Variants in SNTG1 observed in about 807,000 individuals in gnomAD.
The protein encoded by SNTG1 is syntrophin gamma 1.
Under a neutral mutation model 74.7 loss-of-function variants are expected in SNTG1, and 39 were observed. That is an observed-to-expected ratio of 0.52 (90% CI 0.40 to 0.68). The LOEUF is 0.68. Among genes scored for constraint, SNTG1 ranks in the 30% least tolerant of loss-of-function variants. The pLI, the probability that SNTG1 is intolerant of heterozygous loss-of-function variation, is 0.00. For synonymous variants in SNTG1, 254 were observed against 217.1 expected (o/e 1.17, Z -1.49); for missense variants, 685 against 609.5 (o/e 1.12, Z -1.30).
At chr8:50,028,828 G>A (rs534416782) in intron 1 of SNTG1, among the ~76,000 whole-genome samples, 90 of 152,050 alleles carry the variant, frequency 5.9e-4, no homozygotes, top group Non-Finnish European at 1.1e-3. Context: ...AATACATTGC[G>A]TCATAAGATT....
At chr8:50,137,377 C>G (rs1205275783) in intron 1 of SNTG1, among the ~76,000 whole-genome samples, 1 of 152,164 alleles carries the variant, frequency 6.6e-6, no homozygotes, top group Non-Finnish European at 1.5e-5. Flanking sequence ...GACCACAGCT[C>G]TCACTGCCTG....
At chr8:50,236,924 A>T (rs2085936067) in intron 2 of SNTG1, among the ~76,000 whole-genome samples, 2 of 152,154 alleles carry the variant, frequency 1.3e-5, no homozygotes, top group Admixed American at 6.5e-5. Flanking sequence ...AACTTCCTTT[A>T]AGTAGTTCAG....
chr8:50,350,654 G>C lies in SNTG1; in HGVS notation c.-27-43558G>C, dbSNP rs1434924387. ...TTGTAAACACACCAATCAGCACCCT[G>C]TGTCTAGCTCAGGGTTTGTGAATGC... On this transcript the variant is annotated intron_variant, in intron 2 of 18. Transcript: ENST00000642720. 7.2e-5 allele frequency among the ~76,000 whole-genome samples: 11 copies of C among 152,164 alleles called. No homozygotes were observed. In the South Asian group the frequency reaches 1.2e-3, roughly 17 times the overall value.
intron 4 of SNTG1, among the ~76,000 whole-genome samples, chr8:50,409,012 AG>A (rs1410280352): frequency 6.6e-6 from 1 of 152,138 alleles, no homozygotes; most frequent in Non-Finnish European, 1.5e-5. Context: ...GGGCTTTATC[AG>A]GGTGAGCTTC....
intron 2 of SNTG1, among the ~76,000 whole-genome samples, chr8:50,286,316 G>A (rs1383534789): frequency 6.6e-6 from 1 of 152,104 alleles, no homozygotes; most frequent in African/African-American, 2.4e-5. Flanking sequence ...AACCTATGTG[G>A]GGGCTGTATC....
chr8:49,926,341 A>G (rs568127660), intron 1 of SNTG1, among the ~76,000 whole-genome samples: 57 of 152,250 alleles, frequency 3.7e-4, no homozygotes, highest in South Asian at 2.1e-3. Context: ...TTTACAATTT[A>G]TATTTTTTAG....
intron 13 of SNTG1, chr8:50,643,998 A>C (rs1275335411): frequency 1.3e-5 from 2 of 152,226 alleles, no homozygotes; most frequent in African/African-American, 2.4e-5. Context: ...CCATCTTTGA[A>C]AGTAAATGAG....
At chr8:49,993,514 C>T (rs1813885777) in intron 1 of SNTG1, among the ~76,000 whole-genome samples, 1 of 152,014 alleles carries the variant, frequency 6.6e-6, no homozygotes, top group Non-Finnish European at 1.5e-5. Context: ...AGGTTTTAAA[C>T]CTCACACACA....
intron 5 of SNTG1, among the ~76,000 whole-genome samples, chr8:50,446,120 A>G (rs1434764983): frequency 6.6e-6 from 1 of 152,122 alleles, no homozygotes; most frequent in African/African-American, 2.4e-5. Context: ...CTGTCATGGA[A>G]GCCTATCACC....
At chr8:50,087,022 A>G (rs554166154) in intron 1 of SNTG1, among the ~76,000 whole-genome samples, 1 of 152,346 alleles carries the variant, frequency 6.6e-6, no homozygotes, top group South Asian at 2.1e-4. Context: ...TTTGTTTCAC[A>G]CAGAAGTCAG....
At chr8:50,711,706 G>T (rs913402803) in intron 17 of SNTG1, among the ~76,000 whole-genome samples, 3 of 152,134 alleles carry the variant, frequency 2.0e-5, no homozygotes, top group Non-Finnish European at 4.4e-5. Context: ...CCCTTGACTT[G>T]CCAGAGCATA....
intron 13 of SNTG1, among the ~76,000 whole-genome samples, chr8:50,636,967 AATT>A (rs1177162769): frequency 6.6e-6 from 1 of 152,150 alleles, no homozygotes; most frequent in Admixed American, 6.5e-5. Flanking sequence ...TCCATAGCAT[AATT>A]CAGAAATTTG....
intron 1 of SNTG1, among the ~76,000 whole-genome samples, chr8:50,142,989 G>A (rs1436821187): frequency 4.6e-5 from 7 of 152,000 alleles, no homozygotes; most frequent in Admixed American, 1.3e-4. Context: ...CATGAGAATC[G>A]CCTGAACCCA....
intron 5 of SNTG1, among the ~76,000 whole-genome samples, chr8:50,439,218 T>A (rs2131571973): frequency 6.6e-6 from 1 of 152,248 alleles, no homozygotes; most frequent in South Asian, 2.1e-4. Flanking sequence ...AAATAAAGGA[T>A]AAATTTTTAA....
At chr8:50,481,009 C>A (rs1265659553) in intron 8 of SNTG1, among the ~76,000 whole-genome samples, 1 of 152,174 alleles carries the variant, frequency 6.6e-6, no homozygotes, top group Non-Finnish European at 1.5e-5. Flanking sequence ...AAAGTTGTTT[C>A]TTGCCATAAA....
At chr8:50,558,201 C>CT (rs2130657287) in intron 12 of SNTG1, among the ~76,000 whole-genome samples, 1 of 152,314 alleles carries the variant, frequency 6.6e-6, no homozygotes, top group South Asian at 2.1e-4. Context: ...GATTTTCTCT[C>CT]TGAGTTTCCA....
chr8:50,015,123 A>T (rs888423760), intron 1 of SNTG1, among the ~76,000 whole-genome samples: 1 of 152,046 alleles, frequency 6.6e-6, no homozygotes, highest in Non-Finnish European at 1.5e-5. Flanking sequence ...GAGGGAAACC[A>T]TGTTGAAATA....
At chr8:49,969,843 T>C (rs1303102055) in intron 1 of SNTG1, among the ~76,000 whole-genome samples, 2 of 152,118 alleles carry the variant, frequency 1.3e-5, no homozygotes, top group African/African-American at 2.4e-5. Context: ...TTGCTATTTC[T>C]TCTTCACTCT....
At chr8:50,455,214 A>G (rs959789326) in intron 8 of SNTG1, among the ~76,000 whole-genome samples, 1 of 152,242 alleles carries the variant, frequency 6.6e-6, no homozygotes, top group Non-Finnish European at 1.5e-5. Context: ...TGAAATTTCC[A>G]TCTAATGAGA....
Sources: allele counts gnomAD v4.1 joint callset (sites outside exome capture counted in the v4.1 genomes callset), GRCh38; gene constraint gnomAD v4.1.1; transcripts MANE v1.5; gene names NCBI Gene and HGNC (gene_info 2026-07-23, HGNC 2026-07-21).